SYT14: variants seen among roughly 807,000 people sequenced by gnomAD.
The protein encoded by SYT14 is synaptotagmin-14.
SYT14 carries 32 observed loss-of-function variants against 74.2 expected under a neutral mutation model. The ratio of observed to expected loss-of-function variants is 0.43; its 90% CI spans 0.33 to 0.58. SYT14 has a LOEUF of 0.58. Among genes scored for constraint, SYT14 ranks in the 20% least tolerant of loss-of-function variants. The pLI is 0.05. For synonymous variants in SYT14, 298 were observed against 337.7 expected, an observed-to-expected ratio of 0.88 and a Z score of 1.29; for missense variants, 791 against 981.8, an observed-to-expected ratio of 0.81 and a Z score of 2.60.
At chr1:210,081,755 A>G (rs1484966343) in intron 5 of SYT14, among the ~76,000 whole-genome samples, 1 of 152,230 alleles carries the variant, frequency 6.6e-6, no homozygotes, top group Non-Finnish European at 1.5e-5. Context: ...ATCATGAACT[A>G]CCCAACTACC....
intron 7 of SYT14, among the ~76,000 whole-genome samples, chr1:210,107,895 A>T (rs1449104790): frequency 6.6e-6 from 1 of 151,522 alleles, no homozygotes; most frequent in African/African-American, 2.4e-5. Context: ...ATCTTTGTTT[A>T]TTTCTGTCTT....
At chr1:210,133,927 G>C (rs925628469) in intron 7 of SYT14, among the ~76,000 whole-genome samples, 2 of 150,360 alleles carry the variant, frequency 1.3e-5, no homozygotes, top group Non-Finnish European at 3.0e-5. Context: ...GAATGGAGTT[G>C]GCATTCCAAA....
chr1:209,970,440 ACCATG>A (rs2079231116), intron 2 of SYT14, among the ~76,000 whole-genome samples: 1 of 152,060 alleles, frequency 6.6e-6, no homozygotes, highest in Non-Finnish European at 1.5e-5. Context: ...TTGTATCAGT[ACCATG>A]CTGTTCTGGT....
chr1:210,107,350 A>G (rs557430919), intron 7 of SYT14, among the ~76,000 whole-genome samples: 1 of 152,356 alleles, frequency 6.6e-6, no homozygotes, highest in South Asian at 2.1e-4. Flanking sequence ...CTACAATTCA[A>G]GGTGAAACTT....
intron 5 of SYT14, among the ~76,000 whole-genome samples, chr1:210,089,819 T>C (rs2081825738): frequency 6.6e-6 from 1 of 152,100 alleles, no homozygotes; most frequent in Non-Finnish European, 1.5e-5. Flanking sequence ...AACGAAAAAA[T>C]CAAGCAATGA....
At chr1:210,165,860 G>T (rs1378354598) in exon 10 of SYT14, 7 of 152,186 alleles carry the variant, frequency 4.6e-5, no homozygotes, top group Admixed American at 4.6e-4. Flanking sequence ...TATGAATCTT[G>T]TGTTATGTAT....
chr1:209,993,333 G>A (rs2079728363), intron 2 of SYT14, among the ~76,000 whole-genome samples: 2 of 152,202 alleles, frequency 1.3e-5, no homozygotes, highest in South Asian at 2.1e-4. Flanking sequence ...GCACAGTGTA[G>A]CATCTGCAGC....
intron 7 of SYT14, among the ~76,000 whole-genome samples, chr1:210,146,539 G>A (rs2083038859): frequency 6.6e-6 from 1 of 151,986 alleles, no homozygotes; most frequent in Admixed American, 6.6e-5. Flanking sequence ...GAGCATTTCT[G>A]GGATACAGAG....
intron 5 of SYT14, among the ~76,000 whole-genome samples, chr1:210,071,274 T>TA (rs11377416): frequency 0.022 from 1,661 of 74,648 alleles, 28 homozygotes; most frequent in Non-Finnish European, 0.037. Flanking sequence ...GTAAGTAGTA[T>TA]ATTTATATAT....
At chr1:210,023,238 A>G (rs1185263487) in intron 5 of SYT14, among the ~76,000 whole-genome samples, 2 of 152,230 alleles carry the variant, frequency 1.3e-5, no homozygotes, top group Non-Finnish European at 2.9e-5. Flanking sequence ...GTTTATCTCA[A>G]AAAACCTACT....
rs995395978 is a variant in SYT14 at position 210,132,532 on chromosome 1, C to T, written c.2035-23189C>T. On this transcript the variant is annotated intron_variant, in intron 7 of 9. Coordinates refer to ENST00000637265, the Ensembl canonical transcript of SYT14. ...TAAGTTAATGACCCCTCGACAGTCC[C>T]TCTATAAAGTCTAAGATGATGATGA... is the stretch of plus-strand genomic sequence containing the variant. Among the ~76,000 whole-genome samples the T allele has an allele frequency of 5.3e-5, 8 of 151,190 alleles. 1 individual carries two copies. The highest frequency in any genetic ancestry group is 1.9e-4 in the African/African-American group (8 of 41,102).
chr1:210,036,500 T>A lies in SYT14; in HGVS notation c.1312+15246T>A, dbSNP rs570945698. On this transcript the variant is annotated intron_variant, in intron 5 of 9. Transcript: ENST00000637265. ...TAGGAGTGGAGAAAGTGGGCATCCT[T>A]GTCTTGTTCCAGTTCTTAAGGGGGA... 2.0e-4 allele frequency among the ~76,000 whole-genome samples: 31 copies of A among 152,184 alleles called. No individual in the cohort carries two copies. In the East Asian group the frequency reaches 5.8e-3, roughly 28 times the overall value.
intron 7 of SYT14, among the ~76,000 whole-genome samples, chr1:210,132,709 A>G (rs955368049): frequency 1.3e-4 from 20 of 152,072 alleles, no homozygotes; most frequent in Non-Finnish European, 2.6e-4. Flanking sequence ...GCCACCAAGT[A>G]TAATCTTCAG....
At chr1:210,163,057 A>G (rs1427554598) in exon 10 of SYT14, 2 of 453,536 alleles carry the variant, frequency 4.4e-6, no homozygotes, top group Admixed American at 4.7e-5. Flanking sequence ...GAGAAATTGG[A>G]CTTAGGCATT....
chr1:210,016,878 G>A lies in SYT14; in HGVS notation c.875G>A (p.Arg292Lys). Residue 292 changes from arginine to lysine, a missense_variant, in exon 4 of 10, where the codon AGG (arginine) becomes AAG (lysine). Arg to Lys is a conservative substitution (Grantham distance 26). Transcript: ENST00000637265. Reference sequence around the variant, plus strand: ...TTAAAAGATATTTTGACAAGCAATAGGCATATGACACAGAAATCTATTATA... The same window carrying A: ...TTAAAAGATATTTTGACAAGCAATAAGCATATGACACAGAAATCTATTATA... The A allele has an allele frequency of 3.2e-6, 4 of 1,231,678 alleles. No individual in the cohort carries two copies. The South Asian group carries it at 1.6e-4, about 51-fold the overall frequency. 76.3% of individuals were successfully genotyped at this position (1,231,678 alleles called of 1,614,324 possible). A position where few individuals can be genotyped will look rare whatever the true frequency, so the allele number is the denominator to read the frequency against.
In SYT14 at chr1:209,977,152, G is replaced by C. The variant is rs992263194; in HGVS notation, c.-486+24396G>C. The stretch of plus-strand genomic sequence containing the variant: ...TACAGCACACTGATTGGTCTTGACT[G>C]TTTGTCCAATTTGCCAGTCTGTGTC... On this transcript the variant is annotated intron_variant, in intron 2 of 9. Transcript: ENST00000637265. Among the ~76,000 whole-genome samples the C allele has an allele frequency of 1.4e-4, 21 of 152,116 alleles. 1 individual carries two copies. Among genetic ancestry groups the C allele is most frequent in the Admixed American group, 3.9e-4 (6 of 15,270 alleles).
At chr1:210,067,337 C>T (rs754100887) in intron 5 of SYT14, among the ~76,000 whole-genome samples, 1 of 151,986 alleles carries the variant, frequency 6.6e-6, no homozygotes, top group Admixed American at 6.6e-5. Flanking sequence ...ACAAAGAATT[C>T]GTCTGAGATC....
intron 7 of SYT14, among the ~76,000 whole-genome samples, chr1:210,114,806 A>G (rs919390482): frequency 2.0e-5 from 3 of 151,126 alleles, no homozygotes; most frequent in Admixed American, 2.0e-4. Context: ...GGGAGGTGAT[A>G]AAAGGATTAT....
intron 7 of SYT14, among the ~76,000 whole-genome samples, chr1:210,131,698 A>G (rs1324357471): frequency 1.3e-5 from 2 of 152,148 alleles, no homozygotes; most frequent in Non-Finnish European, 2.9e-5. Context: ...ATGTGTAGCT[A>G]CCTTTTTCCA....
Sources: allele counts gnomAD v4.1 joint callset (sites outside exome capture counted in the v4.1 genomes callset), GRCh38; gene constraint gnomAD v4.1.1; transcripts MANE v1.5; gene names NCBI Gene and HGNC (gene_info 2026-07-23, HGNC 2026-07-21).